NCBP1: variants seen among roughly 807,000 people sequenced by gnomAD.
The protein encoded by NCBP1 is nuclear cap-binding protein subunit 1.
In NCBP1, 16 loss-of-function variants were observed where a neutral mutation model predicts 111.7. The observed-to-expected ratio is 0.14, with a 90% CI of 0.10 to 0.22. The LOEUF (loss-of-function observed/expected upper bound fraction) is 0.22. Ranked by LOEUF, NCBP1 falls within the 10% of genes least tolerant of loss-of-function variation. The probability of loss-of-function intolerance (pLI) is 1.00; values close to 1 mark genes in which losing one functional copy is unlikely to be tolerated. For synonymous variants in NCBP1, 304 were observed against 314.3 expected (o/e 0.97, Z 0.35); for missense variants, 607 against 957.5 (o/e 0.63, Z 4.83).
At chr9:97,667,141 CTCACGTTTG>C in intron 20 of NCBP1, among the ~76,000 whole-genome samples, 1 of 152,094 alleles carries the variant, frequency 6.6e-6, no homozygotes, top group Non-Finnish European at 1.5e-5. Context: ...CTGGGTCGGC[CTCACGTTTG>C]CACAAGGGAA....
Position 97,672,568 on chromosome 9 carries a change from T to TC in NCBP1, c.*1372dup, listed in dbSNP as rs955350030. 2 of 152,200 alleles carry TC rather than the reference T, an allele frequency of 1.3e-5. No homozygotes were observed. The highest frequency in any genetic ancestry group is 4.8e-5 in the African/African-American group (2 of 41,448). The allele number at this position is 152,200 out of a possible 1,614,324, so 9.4% of individuals were successfully genotyped here. ...TGTTTTCGTTTATACTGTTTATCTT[T>TC]CCCATTGCTTAAGCACAGCACAAAC... On this transcript the variant is annotated 3_prime_UTR_variant, in exon 23 of 23. Transcript: ENST00000375147.
chr9:97,652,912 T>G (rs1587711612), intron 10 of NCBP1, among the ~76,000 whole-genome samples: 2 of 152,140 alleles, frequency 1.3e-5, no homozygotes, highest in East Asian at 3.9e-4. Flanking sequence ...GTGTGAGAGA[T>G]AGGTAAGAGT....
At chr9:97,661,821 G>A (rs1827847018) in intron 16 of NCBP1, among the ~76,000 whole-genome samples, 1 of 142,268 alleles carries the variant, frequency 7.0e-6, no homozygotes, top group African/African-American at 2.6e-5. Context: ...ATGGATGATA[G>A]AATTAAGACA....
At chr9:97,642,911 C>A (rs942506544) in intron 3 of NCBP1, among the ~76,000 whole-genome samples, 4 of 152,092 alleles carry the variant, frequency 2.6e-5, no homozygotes, top group African/African-American at 9.7e-5. Flanking sequence ...CCACTAAGCA[C>A]ACTTGAAGAA....
chr9:97,637,546 T>A (rs1342379290), intron 1 of NCBP1, among the ~76,000 whole-genome samples: 1 of 152,200 alleles, frequency 6.6e-6, no homozygotes, highest in African/African-American at 2.4e-5. Context: ...TGTGGCTGAT[T>A]TTTTTACTTA....
intron 11 of NCBP1, 114 bp downstream of exon 11, chr9:97,654,022 G>A (rs1827570739): frequency 5.2e-6 from 4 of 774,316 alleles, no homozygotes; most frequent in Non-Finnish European, 8.2e-6. Flanking sequence ...CTTTTGAAGT[G>A]TGTTGTGTGT....
chr9:97,649,849 G>C (rs1298955976), intron 8 of NCBP1, among the ~76,000 whole-genome samples: 1 of 151,160 alleles, frequency 6.6e-6, no homozygotes, highest in Non-Finnish European at 1.5e-5. Flanking sequence ...TCCCTTGCTA[G>C]AAGAGTATAA....
chr9:97,654,765 A>G (rs1827599618), intron 11 of NCBP1, 115 bp from the exon 12 acceptor site: 3 of 899,456 alleles, frequency 3.3e-6, no homozygotes, highest in Admixed American at 2.3e-5. Flanking sequence ...GTGTGAAAAG[A>G]TGTTCAGCAT....
At chr9:97,660,366 C>A (rs1330238122) in intron 15 of NCBP1, among the ~76,000 whole-genome samples, 1 of 152,180 alleles carries the variant, frequency 6.6e-6, no homozygotes, top group Non-Finnish European at 1.5e-5. Flanking sequence ...AAGGACTCAA[C>A]TGATACCAAC....
rs1587715087 is a variant in NCBP1 at position 97,656,061 on chromosome 9, G to A, written c.1349G>A (p.Arg450Lys). Residue 450 changes from arginine to lysine, a missense_variant, in exon 14 of 23, where the codon AGA (arginine) becomes AAA (lysine). Physicochemically the swap from Arg to Lys is conservative, Grantham distance 26. Coordinates refer to ENST00000375147, the MANE Select transcript of NCBP1 (RefSeq NM_002486.5). ...DPESPKPKFV[R>K]EVLEKCMRLS... is the part of the protein sequence containing the mutation. ...GAAAGTCCCAAACCGAAGTTTGTAA[G>A]AGAAGTTCTAGAAAAATGTATGAGG... 3.1e-6 allele frequency: 5 copies of A among 1,613,960 alleles called. No homozygotes were observed. In the East Asian group the frequency reaches 1.1e-4, roughly 36 times the overall value.
At chr9:97,658,872 T>C (rs1378936888) in intron 15 of NCBP1, 129 bp downstream of exon 15, 3 of 706,986 alleles carry the variant, frequency 4.2e-6, no homozygotes, top group African/African-American at 1.8e-5. Context: ...ATTTGAAAGG[T>C]GGTCTATCAT....
chr9:97,657,934 T>A (rs1221794341), intron 14 of NCBP1, among the ~76,000 whole-genome samples: 94 of 140,702 alleles, frequency 6.7e-4, no homozygotes, highest in African/African-American at 2.5e-3. Context: ...ATATTTTTTT[T>A]TTTTTTTTTA....
chr9:97,647,703 G>A, intron 7 of NCBP1, 142 bp downstream of exon 7: 1 of 711,178 alleles, frequency 1.4e-6, no homozygotes, highest in South Asian at 1.9e-5. Flanking sequence ...ATAGCTCAAG[G>A]TGTATGGTAG....
intron 19 of NCBP1, among the ~76,000 whole-genome samples, chr9:97,665,093 T>C (rs1372350257): frequency 6.6e-6 from 1 of 152,228 alleles, no homozygotes; most frequent in Non-Finnish European, 1.5e-5. Context: ...AGCAAATTAC[T>C]TGTAAAAACA....
chr9:97,671,157 T>G lies in NCBP1; in HGVS notation c.2331T>G (p.His777Gln), dbSNP rs958280135. Reference protein sequence around the residue: ...NLLFTAELDPHILAVFQQFCA... With the variant: ...NLLFTAELDPQILAVFQQFCA... ...TCTTCACTGCTGAATTAGACCCTCATATCTTGGCCGTGTTCCAGCAGTTCT... is the reference window on the plus strand; with the variant it reads ...TCTTCACTGCTGAATTAGACCCTCAGATCTTGGCCGTGTTCCAGCAGTTCT... Residue 777 changes from histidine (H) to glutamine (Q), a missense_variant, in exon 23 of 23, where the codon CAT becomes CAG. His to Gln is a conservative substitution (Grantham distance 24). Coordinates refer to ENST00000375147, the MANE Select transcript of NCBP1 (RefSeq NM_002486.5). 2 of 1,613,548 alleles carry G rather than the reference T, an allele frequency of 1.2e-6. No individual in the cohort carries two copies. Among genetic ancestry groups the G allele is most frequent in the African/African-American group, 1.3e-5 (1 of 74,930 alleles).
intron 18 of NCBP1, among the ~76,000 whole-genome samples, chr9:97,663,912 C>G (rs1391373931): frequency 6.6e-6 from 1 of 151,728 alleles, no homozygotes; most frequent in Non-Finnish European, 1.5e-5. Flanking sequence ...GGCGTGGTGG[C>G]TCTTACCTGT....
intron 9 of NCBP1, 84 bp from the exon 10 acceptor site, chr9:97,651,226 C>G (rs1827489424): frequency 8.7e-7 from 1 of 1,144,904 alleles, no homozygotes; most frequent in Non-Finnish European, 1.2e-6. Context: ...TTGCTTATAT[C>G]TAAACACATT....
rs1827247595 is a variant in NCBP1 at position 97,643,183 on chromosome 9, T to TA, written c.225-20dup. ...CGCCATTGTTTTGGGGTTTTCTTGTTATACTGGGTTCTTAAATCAGTGCAC... is the reference window on the plus strand; with the variant it reads ...CGCCATTGTTTTGGGGTTTTCTTGTTAATACTGGGTTCTTAAATCAGTGCAC... On this transcript the variant is annotated intron_variant, in intron 3 of 22. Coordinates refer to ENST00000375147, the MANE Select transcript of NCBP1 (RefSeq NM_002486.5). The TA allele has an allele frequency of 3.9e-6, 6 of 1,557,154 alleles. No homozygotes were observed. The African/African-American group carries it at 8.5e-5, about 22-fold the overall frequency.
Position 97,643,380 on chromosome 9 carries a change from G to C in NCBP1, c.381+20G>C. 6.4e-7 allele frequency: 1 copy of C among 1,574,154 alleles called. No individual in the cohort carries two copies. The highest frequency in any genetic ancestry group is 8.6e-7 in the Non-Finnish European group (1 of 1,163,198). The stretch of plus-strand genomic sequence containing the variant: ...TATTTGGTAAGTTAGTTTGTTTGTT[G>C]GTATGTTATGACTACTGTTGGGATG... On this transcript the variant is annotated intron_variant, in intron 4 of 22. Coordinates refer to ENST00000375147, the MANE Select transcript of NCBP1 (RefSeq NM_002486.5).
Sources: gnomAD v4.1 joint callset for allele counts (sites outside exome capture counted in the v4.1 genomes callset) on GRCh38, gnomAD v4.1.1 for gene constraint, MANE v1.5 for transcripts, NCBI Gene and HGNC (gene_info 2026-07-23, HGNC 2026-07-21) for gene names.